The following GSDME variants were observed in gnomAD, a reference collection of about 807,000 sequenced individuals.
GSDME encodes gasdermin E.
In GSDME, 44 loss-of-function variants were observed where a neutral mutation model predicts 47.5. The observed-to-expected ratio is 0.93, with a 90% CI of 0.73 to 1.19. The LOEUF is 1.19. GSDME is among the 50% of genes most tolerant of loss of function. GSDME has a pLI of 0.00. For synonymous variants in GSDME, 258 were observed against 252.8 expected, an observed-to-expected ratio of 1.02 and a Z score of -0.20; for missense variants, 663 against 604.2, an observed-to-expected ratio of 1.10 and a Z score of -1.02.
intron 3 of GSDME, among the ~76,000 whole-genome samples, chr7:24,737,732 C>T (rs1270229097): frequency 6.6e-6 from 1 of 151,722 alleles, no homozygotes; most frequent in Non-Finnish European, 1.5e-5. Flanking sequence ...ATGCAAAAAT[C>T]CTCAACAAAA....
chr7:24,754,902 A>G lies in GSDME; in HGVS notation c.-20+2494T>C, dbSNP rs1007449640. On this transcript the variant is annotated intron_variant, in intron 1 of 9. Transcript: ENST00000645220. The surrounding 1 kb of genome is among the most constrained non-coding windows in gnomAD (Gnocchi z 5.0). ...CCTGGGCCTCTGCCTGAAGAGTTCT[A>G]GAAAAGAAACTTCAACATCAAATAC... 2.0e-5 allele frequency among the ~76,000 whole-genome samples: 3 copies of G among 152,234 alleles called. No homozygotes were observed. The highest frequency in any genetic ancestry group is 4.8e-5 in the African/African-American group (2 of 41,458).
chr7:24,787,226 C>T, the GSDME span, among the ~76,000 whole-genome samples: 2 of 152,178 alleles, frequency 1.3e-5, no homozygotes, highest in Non-Finnish European at 2.9e-5. This position sits in a 1 kb window ranked among gnomAD's most constrained non-coding sequence, Gnocchi z 5.0. Context: ...ACGCTGGCTG[C>T]CACGTCCTCT....
At position 24,708,122 on chromosome 7, in the gene GSDME, C is replaced by T; in HGVS notation, c.990+5G>A. 6.2e-7 allele frequency: 1 copy of T among 1,614,152 alleles called. No individual in the cohort carries two copies. The highest frequency in any genetic ancestry group is 8.5e-7 in the Non-Finnish European group (1 of 1,180,028). ...AACACTGCCTTGAGATGTCTCAGGG[C>T]TCACCACTGGTTCCAGGACCATGAG... On this transcript the variant is annotated splice_donor_5th_base_variant and intron_variant, in intron 7 of 9. Transcript: ENST00000645220.
chr7:24,749,477 G>T, intron 2 of GSDME, 87 bp downstream of exon 2: 2 of 1,161,676 alleles, frequency 1.7e-6, no homozygotes, highest in South Asian at 1.3e-5. Context: ...ACTCCAGCAT[G>T]GGCGACAGAG....
chr7:24,757,960 C>G (rs1791098518), upstream of GSDME: 1 of 152,294 alleles, frequency 6.6e-6, no homozygotes, highest in South Asian at 2.1e-4. This position sits in a 1 kb window ranked among gnomAD's most constrained non-coding sequence, Gnocchi z 5.9. Context: ...TGCGACAGTG[C>G]CCACACTTAG....
intron 6 of GSDME, 75 bp from the exon 7 acceptor site, chr7:24,708,329 T>A (rs1296410725): frequency 6.4e-7 from 1 of 1,559,374 alleles, no homozygotes; most frequent in South Asian, 1.1e-5. Context: ...ACTCCTGCTT[T>A]TTATACCTAA....
intron 6 of GSDME, among the ~76,000 whole-genome samples, chr7:24,709,796 T>C (rs1366390734): frequency 6.6e-6 from 1 of 152,196 alleles, no homozygotes; most frequent in African/African-American, 2.4e-5. Flanking sequence ...AGAGAGCATT[T>C]TGCAAGGCTG....
Position 24,705,266 on chromosome 7 carries a change from T to C in GSDME, c.1183+918A>G, listed in dbSNP as rs1789047678. 1 of 152,194 alleles carries C rather than the reference T, an allele frequency of 6.6e-6. No homozygotes were observed. Among genetic ancestry groups the C allele is most frequent in the South Asian group, 2.1e-4 (1 of 4,824 alleles). The allele number at this position is 152,194 out of a possible 1,614,324, so 9.4% of individuals were successfully genotyped here. ...TAGTGGAGTTCCGCAGGGCTCTGTC[T>C]TATGTCCTGTTTCAGTTTACCAGTC... On this transcript the variant is annotated intron_variant, in intron 8 of 9. Transcript: ENST00000645220. The surrounding 1 kb of genome is among the most constrained non-coding windows in gnomAD (Gnocchi z 4.1).
intron 3 of GSDME, among the ~76,000 whole-genome samples, chr7:24,720,087 C>G (rs1789719120): frequency 6.6e-6 from 1 of 152,146 alleles, no homozygotes; most frequent in African/African-American, 2.4e-5. Flanking sequence ...GGTTTGATGT[C>G]TTTTTACACA....
chr7:24,789,208 A>C, the GSDME span, among the ~76,000 whole-genome samples: 1 of 152,162 alleles, frequency 6.6e-6, no homozygotes. Flanking sequence ...TTAATTATTC[A>C]TAAGGGTGAA....
chr7:24,793,099 G>A, the GSDME span, among the ~76,000 whole-genome samples: 6 of 152,060 alleles, frequency 3.9e-5, no homozygotes, highest in Admixed American at 3.9e-4. Flanking sequence ...AATGCTTCCT[G>A]TATCACTTTT....
rs1471731594 is a variant in GSDME, at chr7:24,736,429, G to T, written c.404+8133C>A. Reference sequence around the variant, plus strand: ...AAAAACTATAAGAAGAGACAAAGAAGGTTACTATATAATGATAAAGGGGTC... The same window carrying T: ...AAAAACTATAAGAAGAGACAAAGAATGTTACTATATAATGATAAAGGGGTC... On this transcript the variant is annotated intron_variant, in intron 3 of 9. Coordinates refer to ENST00000645220, the MANE Select transcript of GSDME (RefSeq NM_001127453.2). The surrounding 1 kb of genome is among the most constrained non-coding windows in gnomAD (Gnocchi z 4.6). Among the ~76,000 whole-genome samples the T allele has an allele frequency of 6.6e-6, 1 of 152,008 alleles. No homozygotes were observed. The highest frequency in any genetic ancestry group is 1.5e-5 in the Non-Finnish European group (1 of 67,956).
At chr7:24,706,457 C>T (rs537961654) in intron 7 of GSDME, 81 bp from the exon 8 acceptor site, 3 of 1,397,796 alleles carry the variant, frequency 2.1e-6, no homozygotes, top group African/African-American at 1.4e-5. Flanking sequence ...ACAGTACACA[C>T]AAGCCCCAGC....
the GSDME span, among the ~76,000 whole-genome samples, chr7:24,795,328 T>C: frequency 1.0e-3 from 159 of 152,230 alleles, 2 homozygotes; most frequent in African/African-American, 3.5e-3. Context: ...ATCACCTCGC[T>C]TCCAGGTCAG....
chr7:24,780,673 T>C, the GSDME span, among the ~76,000 whole-genome samples: 1 of 152,226 alleles, frequency 6.6e-6, no homozygotes. This position sits in a 1 kb window ranked among gnomAD's most constrained non-coding sequence, Gnocchi z 4.1. Flanking sequence ...TTTCTATGCG[T>C]TGTAAATATT....
At chr7:24,763,616 G>A in the GSDME span, among the ~76,000 whole-genome samples, 3 of 152,134 alleles carry the variant, frequency 2.0e-5, no homozygotes, top group African/African-American at 7.2e-5. This position sits in a 1 kb window ranked among gnomAD's most constrained non-coding sequence, Gnocchi z 4.3. Context: ...GCTTATTTCT[G>A]GAAATTTCCA....
rs115257886 is a variant in GSDME, at chr7:24,709,087, G to T, written c.863-833C>A. ...CAGTTGTATAAAGCCCCACGCAGAG[G>T]AACACAGAACATCAGTAACCAACAT... On this transcript the variant is annotated intron_variant, in intron 6 of 9. Transcript: ENST00000645220. Among the ~76,000 whole-genome samples the T allele has an allele frequency of 3.4e-3, 515 of 152,272 alleles. 1 individual carries two copies. The highest frequency in any genetic ancestry group is 0.012 in the African/African-American group (491 of 41,560).
Position 24,716,267 on chromosome 7 carries a change from C to T in GSDME, c.697+987G>A, listed in dbSNP as rs1789549462. On this transcript the variant is annotated intron_variant, in intron 5 of 9. Transcript: ENST00000645220. This position sits in a 1 kb window ranked among gnomAD's most constrained non-coding sequence, Gnocchi z 4.5. ...ATCAGCCAGCTTCAGCCACTGTCCC[C>T]TCTCAGCCAAGCCTCCTTCCCTCGG... is the stretch of plus-strand genomic sequence containing the variant. 6.6e-6 allele frequency among the ~76,000 whole-genome samples: 1 copy of T among 152,220 alleles called. No homozygotes were observed.
At chr7:24,786,993 C>T in the GSDME span, among the ~76,000 whole-genome samples, 3 of 152,006 alleles carry the variant, frequency 2.0e-5, no homozygotes, top group Admixed American at 6.5e-5. This position sits in a 1 kb window ranked among gnomAD's most constrained non-coding sequence, Gnocchi z 5.5. Context: ...GTGGCTTATG[C>T]GATCTGTGGC....
Sources: gnomAD v4.1 joint callset for allele counts (sites outside exome capture counted in the v4.1 genomes callset) on GRCh38, gnomAD v4.1.1 for gene constraint, Gnocchi (gnomAD v3.1) non-coding constraint, MANE v1.5 for transcripts, NCBI Gene and HGNC (gene_info 2026-07-23, HGNC 2026-07-21) for gene names.